The following SLC45A4 variants were observed in gnomAD, a reference collection of about 807,000 sequenced individuals.
SLC45A4 encodes the protein polyamine-transporter SLC45A4.
SLC45A4 carries 32 observed loss-of-function variants against 63.7 expected under a neutral mutation model. That is an observed-to-expected ratio of 0.50 (90% confidence interval 0.38 to 0.67). The LOEUF is 0.67. Among genes scored for constraint, SLC45A4 ranks in the 30% least tolerant of loss-of-function variants. The pLI, the probability that SLC45A4 is intolerant of heterozygous loss-of-function variation, is 0.00. For synonymous variants in SLC45A4, 535 were observed against 510.0 expected (o/e 1.05, Z -0.66); for missense variants, 1,027 against 1,157.7 (o/e 0.89, Z 1.64).
Position 141,254,886 on chromosome 8 carries a change from G to C in SLC45A4, c.-400-257C>G, listed in dbSNP as rs189543922. On this transcript the variant is annotated intron_variant, in intron 1 of 8. Transcript: ENST00000517878. This position sits in a 1 kb window ranked among gnomAD's most constrained non-coding sequence, Gnocchi z 4.5. ...TCAAGGAAAGCAGGATCAAAGAACA[G>C]ACAGAGAAAAACGCTGGAAATATTC... 378 of 395,758 alleles carry C rather than the reference G, an allele frequency of 9.6e-4. 1 individual carries two copies. Among genetic ancestry groups the C allele is most frequent in the Non-Finnish European group, 1.4e-3 (281 of 203,474 alleles). 24.5% of individuals were successfully genotyped at this position (395,758 alleles called of 1,614,324 possible). A position where few individuals can be genotyped will look rare whatever the true frequency, so the allele number is the denominator to read the frequency against.
At chr8:141,224,016 T>C (rs72681560) in intron 2 of SLC45A4, among the ~76,000 whole-genome samples, 21 of 152,036 alleles carry the variant, frequency 1.4e-4, no homozygotes, top group Non-Finnish European at 2.2e-4. Context: ...TTTTTTTTTT[T>C]AGCATTTCTA....
At position 141,218,760 on chromosome 8, in the gene SLC45A4, C is replaced by A; in HGVS notation, c.880G>T (p.Ala294Ser). The change falls in exon 5 of 9, where the codon GCC (alanine) becomes TCC (serine). Residue 294 changes from alanine to serine, a missense_variant. By Grantham distance (99) the Ala-to-Ser change is moderately conservative. Transcript: ENST00000517878. ...ATGTCCACGTCCGGGTAGTCCAGGG[C>A]CAGCTCGTGCTCCGACTGTACCTCG... ...PDEVQSEHEL[A>S]LDYPDVDIMR... 6.2e-7 allele frequency: 1 copy of A among 1,613,298 alleles called. No individual in the cohort carries two copies. The highest frequency in any genetic ancestry group is 8.5e-7 in the Non-Finnish European group (1 of 1,179,880).
chr8:141,287,421 G>C lies in SLC45A4; in HGVS notation c.-401+20675C>G, dbSNP rs141557486. 6.0e-4 allele frequency among the ~76,000 whole-genome samples: 92 copies of C among 152,286 alleles called. No individual in the cohort carries two copies. In the South Asian group the frequency reaches 9.7e-3, roughly 16 times the overall value. ...AGGAAATAACCCACACGCAGGGCAC[G>C]GAGCGCAGACTGTGCCCCTGCCACA... On this transcript the variant is annotated intron_variant, in intron 1 of 8. Coordinates refer to ENST00000517878, the MANE Select transcript of SLC45A4 (RefSeq NM_001286646.2).
intron 1 of SLC45A4, among the ~76,000 whole-genome samples, chr8:141,302,454 C>G (rs1830778525): frequency 6.7e-6 from 1 of 150,358 alleles, no homozygotes; most frequent in South Asian, 2.1e-4. Context: ...GTGCTTTAGC[C>G]TCCTAAGTAG....
chr8:141,276,595 G>A lies in SLC45A4; in HGVS notation c.-400-21966C>T, dbSNP rs144938416. ...TACTCATTCCTCCAGGATCCTTGGC[G>A]GGGACCTCACTCGGACTCTGCCCCA... On this transcript the variant is annotated intron_variant, in intron 1 of 8. Coordinates refer to ENST00000517878, the MANE Select transcript of SLC45A4 (RefSeq NM_001286646.2). 3.5e-3 allele frequency among the ~76,000 whole-genome samples: 538 copies of A among 152,246 alleles called. 2 individuals carry two copies. The highest frequency in any genetic ancestry group is 0.012 in the African/African-American group (495 of 41,540).
intron 1 of SLC45A4, among the ~76,000 whole-genome samples, chr8:141,294,657 G>T (rs1563680650): frequency 6.6e-6 from 1 of 152,250 alleles, no homozygotes; most frequent in Non-Finnish European, 1.5e-5. Context: ...CACGTCCCGG[G>T]GAACCCATGC....
intron 2 of SLC45A4, among the ~76,000 whole-genome samples, chr8:141,248,751 A>C (rs1282446858): frequency 1.3e-5 from 2 of 152,038 alleles, no homozygotes; most frequent in Non-Finnish European, 2.9e-5. Flanking sequence ...CCTGTAGCTC[A>C]CATCTGTAAT....
chr8:141,211,386 C>A lies in SLC45A4; in HGVS notation c.*186G>T. ...GCTCGTCTGGAGCTCACGCTCCGCCCCCAGGTGGTGCCCAGCCCATCCCTG... is the reference window on the plus strand; with the variant it reads ...GCTCGTCTGGAGCTCACGCTCCGCCACCAGGTGGTGCCCAGCCCATCCCTG... On this transcript the variant is annotated 3_prime_UTR_variant, in exon 9 of 9. Coordinates refer to ENST00000517878, the MANE Select transcript of SLC45A4 (RefSeq NM_001286646.2). 6.6e-7 allele frequency: 1 copy of A among 1,513,320 alleles called. No homozygotes were observed. Among genetic ancestry groups the A allele is most frequent in the Admixed American group, 2.3e-5 (1 of 43,930 alleles). 93.7% of individuals were successfully genotyped at this position (1,513,320 alleles called of 1,614,324 possible).
Position 141,217,151 on chromosome 8 carries a change from G to T in SLC45A4, c.1668C>A (p.Ala556=). 1 of 1,613,968 alleles carries T rather than the reference G, an allele frequency of 6.2e-7. No individual in the cohort carries two copies. Among genetic ancestry groups the T allele is most frequent in the Non-Finnish European group, 8.5e-7 (1 of 1,180,000 alleles). The change falls in exon 6 of 9, where the codon GCC becomes GCA. Residue 556 remains alanine, a synonymous_variant. Coordinates refer to ENST00000517878, the MANE Select transcript of SLC45A4 (RefSeq NM_001286646.2). ...SNSTAWQAYN[A]GVKMGCWGLV... is the part of the protein sequence containing the mutation. ...GGCCCCAGCAGCCCATCTTGACCCCGGCGTTGTAGGCTTGCCAGGCGGTCG... is the reference window on the plus strand; with the variant it reads ...GGCCCCAGCAGCCCATCTTGACCCCTGCGTTGTAGGCTTGCCAGGCGGTCG...
At chr8:141,247,522 T>C (rs574835513) in intron 2 of SLC45A4, among the ~76,000 whole-genome samples, 1 of 152,252 alleles carries the variant, frequency 6.6e-6, no homozygotes, top group South Asian at 2.1e-4. Flanking sequence ...TTTGTAGAAA[T>C]TGATAACTCT....
At chr8:141,226,530 G>C (rs1827004136) in intron 2 of SLC45A4, 1 of 152,322 alleles carries the variant, frequency 6.6e-6, no homozygotes, top group Non-Finnish European at 1.5e-5. Flanking sequence ...GAGGAATCCA[G>C]AATCTGGCCA....
At chr8:141,217,288 T>G in intron 5 of SLC45A4, 99 bp from the exon 6 acceptor site, 1 of 1,259,812 alleles carries the variant, frequency 7.9e-7, no homozygotes, top group Non-Finnish European at 1.1e-6. Flanking sequence ...CTGCTCATTC[T>G]AAGAGCGGTG....
At chr8:141,243,334 C>T (rs1248695214) in intron 2 of SLC45A4, among the ~76,000 whole-genome samples, 1 of 152,222 alleles carries the variant, frequency 6.6e-6, no homozygotes, top group Admixed American at 6.5e-5. Flanking sequence ...GCACGAAGCG[C>T]AGTGGCATCT....
intron 3 of SLC45A4, among the ~76,000 whole-genome samples, chr8:141,220,583 A>T (rs1826550181): frequency 6.6e-6 from 1 of 152,152 alleles, no homozygotes; most frequent in South Asian, 2.1e-4. Context: ...TGCCCTCCTG[A>T]CAAGATTAGA....
chr8:141,279,882 C>T (rs1829870133), intron 1 of SLC45A4, among the ~76,000 whole-genome samples: 1 of 152,240 alleles, frequency 6.6e-6, no homozygotes, highest in African/African-American at 2.4e-5. Flanking sequence ...AAAGTTCCCC[C>T]CAAACACTCA....
At chr8:141,235,014 A>G (rs999846663) in intron 2 of SLC45A4, among the ~76,000 whole-genome samples, 3 of 152,158 alleles carry the variant, frequency 2.0e-5, no homozygotes, top group Non-Finnish European at 4.4e-5. Flanking sequence ...CTCGGAAGGC[A>G]CTCTGCAAAC....
chr8:141,294,695 T>C (rs1830478918), intron 1 of SLC45A4, among the ~76,000 whole-genome samples: 1 of 152,202 alleles, frequency 6.6e-6, no homozygotes, highest in Admixed American at 6.5e-5. Context: ...CCAGCCAGCA[T>C]GGCAGGAGAA....
In SLC45A4 at chr8:141,211,495, C is replaced by A; in HGVS notation, c.*77G>T. 6.2e-7 allele frequency: 1 copy of A among 1,607,818 alleles called. No homozygotes were observed. Among genetic ancestry groups the A allele is most frequent in the African/African-American group, 1.3e-5 (1 of 74,870 alleles). ...CCAGCCTCCTCCCAGCTTTGGTGTG[C>A]GGTCGCTGCCCAAGGACAGGGCTGC... is the stretch of plus-strand genomic sequence containing the variant. On this transcript the variant is annotated 3_prime_UTR_variant, in exon 9 of 9. Coordinates refer to ENST00000517878, the MANE Select transcript of SLC45A4 (RefSeq NM_001286646.2).
intron 4 of SLC45A4, 57 bp from the exon 5 acceptor site, chr8:141,219,086 A>C (rs1826413303): frequency 6.4e-7 from 1 of 1,558,116 alleles, no homozygotes; most frequent in South Asian, 1.2e-5. Context: ...CAGGGGGGGA[A>C]GCTCTGGGAG....
Sources: gnomAD v4.1 joint callset for allele counts (sites outside exome capture counted in the v4.1 genomes callset) on GRCh38, gnomAD v4.1.1 for gene constraint, Gnocchi (gnomAD v3.1) non-coding constraint, MANE v1.5 for transcripts, NCBI Gene and HGNC (gene_info 2026-07-23, HGNC 2026-07-21) for gene names.